Variants in PDE4D observed in about 807,000 individuals in gnomAD.
PDE4D encodes 3',5'-cyclic-AMP phosphodiesterase 4D.
PDE4D carries 24 observed loss-of-function variants against 87.4 expected under a neutral mutation model. The ratio of observed to expected loss-of-function variants is 0.27; its 90% CI spans 0.20 to 0.39. The LOEUF (loss-of-function observed/expected upper bound fraction) is 0.39, where lower values mean the gene tolerates loss of function less well. PDE4D is among the 10% of genes least tolerant of loss of function. The pLI is 1.00. For missense variants in PDE4D, 714 were observed against 1,041.0 expected, an observed-to-expected ratio of 0.69 and a Z score of 4.32; for synonymous variants, 384 against 383.2, an observed-to-expected ratio of 1.00 and a Z score of -0.02.
intron 3 of PDE4D, among the ~76,000 whole-genome samples, chr5:59,917,568 A>T (rs923652109): frequency 5.3e-5 from 8 of 152,068 alleles, no homozygotes; most frequent in African/African-American, 1.9e-4. Flanking sequence ...TATCAATTAA[A>T]CTCTCTGACT....
At chr5:59,512,264 C>G (rs557891350) in intron 1 of PDE4D, among the ~76,000 whole-genome samples, 1 of 152,284 alleles carries the variant, frequency 6.6e-6, no homozygotes, top group South Asian at 2.1e-4. Flanking sequence ...CTGAAAGGAG[C>G]AGGCTAAGCC....
At chr5:59,112,398 G>T (rs1368269718) in intron 5 of PDE4D, among the ~76,000 whole-genome samples, 2 of 152,180 alleles carry the variant, frequency 1.3e-5, no homozygotes, top group Non-Finnish European at 2.9e-5. Context: ...GCAGAGGAAT[G>T]ACATGATTTG....
rs376183066 is a variant in PDE4D, at chr5:60,214,708, A to C, written c.-89-29021T>G. Among the ~76,000 whole-genome samples the C allele has an allele frequency of 5.9e-5, 9 of 152,312 alleles. No homozygotes were observed. The South Asian group carries it at 8.3e-4, about 14-fold the overall frequency. On this transcript the variant is annotated intron_variant, in intron 1 of 16. Transcript: ENST00000502484. ...GTGCATGGTCCTTCAGAAACTGAAC[A>C]GAGGACAGAGGCCCTTATTGATTCT...
chr5:59,854,477 A>G (rs1429144719), intron 1 of PDE4D, among the ~76,000 whole-genome samples: 2 of 152,018 alleles, frequency 1.3e-5, no homozygotes, highest in Admixed American at 1.3e-4. Flanking sequence ...TAAAACATAT[A>G]TGTACTCAAA....
intron 1 of PDE4D, among the ~76,000 whole-genome samples, chr5:60,277,452 C>G (rs375231581): frequency 2.0e-5 from 3 of 152,070 alleles, no homozygotes; most frequent in African/African-American, 7.2e-5. Flanking sequence ...TTTCTTTACA[C>G]CAATAATGAT....
intron 2 of PDE4D, chr5:60,030,865 C>T (rs1310744717): frequency 1.3e-5 from 2 of 152,186 alleles, no homozygotes; most frequent in African/African-American, 4.8e-5. Flanking sequence ...CCCAGATTGG[C>T]AAGTTCCCCC....
chr5:59,553,634 G>C (rs554634247), intron 1 of PDE4D, among the ~76,000 whole-genome samples: 1 of 152,204 alleles, frequency 6.6e-6, no homozygotes, highest in Non-Finnish European at 1.5e-5. Flanking sequence ...GAAAGAACAC[G>C]TACTTTTTCA....
chr5:59,362,758 C>T (rs1250292540), intron 1 of PDE4D, among the ~76,000 whole-genome samples: 5 of 152,172 alleles, frequency 3.3e-5, no homozygotes, highest in African/African-American at 1.2e-4. Context: ...TAGAATTATG[C>T]TTACAAATAA....
At chr5:60,129,136 T>C (rs935930031) in intron 2 of PDE4D, among the ~76,000 whole-genome samples, 6 of 152,258 alleles carry the variant, frequency 3.9e-5, no homozygotes, top group Non-Finnish European at 8.8e-5. Context: ...TTTTAAAATA[T>C]GTGCTTTTTG....
intron 11 of PDE4D, among the ~76,000 whole-genome samples, chr5:58,983,736 T>C (rs1172488607): frequency 1.3e-5 from 2 of 152,198 alleles, no homozygotes; most frequent in African/African-American, 4.8e-5. Flanking sequence ...GCAGAGCAGC[T>C]TGCACAGCAG....
chr5:59,426,975 C>T (rs147749666), intron 1 of PDE4D, among the ~76,000 whole-genome samples: 2,277 of 148,198 alleles, frequency 0.015, 73 homozygotes, highest in African/African-American at 0.054. Context: ...ACTTTTTCTC[C>T]TCCTTTCTAC....
intron 3 of PDE4D, among the ~76,000 whole-genome samples, chr5:59,967,697 A>C (rs181195857): frequency 6.6e-6 from 1 of 152,294 alleles, no homozygotes; most frequent in African/African-American, 2.4e-5. Context: ...GAGATTTCTC[A>C]AAGAACTTAA....
In PDE4D at chr5:59,790,786, C is replaced by T. The variant is rs189056830; in HGVS notation, c.455+102382G>A. Among the ~76,000 whole-genome samples, 4 of 152,318 alleles carry T rather than the reference C, an allele frequency of 2.6e-5. No homozygotes were observed. In the East Asian group the frequency reaches 7.7e-4, roughly 29 times the overall value. On this transcript the variant is annotated intron_variant, in intron 1 of 14. Coordinates refer to ENST00000340635, the MANE Select transcript of PDE4D (RefSeq NM_001104631.2). ...AATATGCAATTCATTGTGAAATTAA[C>T]ATGACCCTAATATGAAAATGTGTTA...
intron 6 of PDE4D, among the ~76,000 whole-genome samples, chr5:59,027,056 G>A (rs1281534477): frequency 6.6e-6 from 1 of 152,070 alleles, no homozygotes; most frequent in East Asian, 1.9e-4. Context: ...TAGTCCTCAT[G>A]TCTCCTGAGG....
chr5:60,512,379 T>G (rs944487607), intron 1 of PDE4D, among the ~76,000 whole-genome samples: 1 of 152,230 alleles, frequency 6.6e-6, no homozygotes, highest in Non-Finnish European at 1.5e-5. Context: ...TTAGTCTATA[T>G]GTAAAACAAA....
At chr5:59,524,302 T>C (rs1812708329) in intron 1 of PDE4D, among the ~76,000 whole-genome samples, 1 of 152,232 alleles carries the variant, frequency 6.6e-6, no homozygotes, top group South Asian at 2.1e-4. Context: ...AAAATGCTTA[T>C]AGTGATACGA....
chr5:59,218,684 A>AGG (rs1272686909), intron 1 of PDE4D, among the ~76,000 whole-genome samples: 3 of 152,128 alleles, frequency 2.0e-5, no homozygotes, highest in Admixed American at 2.0e-4. Flanking sequence ...TAAAGGCCTA[A>AGG]ATTATTTCTT....
At chr5:60,503,198 G>A (rs549508998) in intron 1 of PDE4D, among the ~76,000 whole-genome samples, 4 of 152,148 alleles carry the variant, frequency 2.6e-5, no homozygotes, top group South Asian at 4.2e-4. Flanking sequence ...GGGAATCCAC[G>A]ATACTCCTTT....
At chr5:60,369,434 A>C (rs1388888709) in intron 1 of PDE4D, among the ~76,000 whole-genome samples, 1 of 152,170 alleles carries the variant, frequency 6.6e-6, no homozygotes, top group African/African-American at 2.4e-5. Flanking sequence ...AAGATGAGGC[A>C]GGCATTAAGC....
Sources: allele counts gnomAD v4.1 joint callset (sites outside exome capture counted in the v4.1 genomes callset), GRCh38; gene constraint gnomAD v4.1.1; transcripts MANE v1.5; gene names NCBI Gene and HGNC (gene_info 2026-07-23, HGNC 2026-07-21).